The following TMEM74 variants were observed in gnomAD, a reference collection of about 807,000 sequenced individuals.
The protein encoded by TMEM74 is transmembrane protein 74.
TMEM74 carries 13 observed loss-of-function variants against 18.1 expected under a neutral mutation model. That is an observed-to-expected ratio of 0.72 (90% CI 0.47 to 1.14). TMEM74 has a LOEUF of 1.14. TMEM74 is among the 50% of genes most tolerant of loss of function. TMEM74 has a pLI of 0.00. For synonymous variants in TMEM74, 159 were observed against 146.6 expected (o/e 1.08, Z -0.61); for missense variants, 372 against 375.9 (o/e 0.99, Z 0.09).
chr8:108,777,133 A>G (rs1264266522), downstream of TMEM74, among the ~76,000 whole-genome samples: 1 of 152,212 alleles, frequency 6.6e-6, no homozygotes, highest in Non-Finnish European at 1.5e-5. Context: ...TTACAGATGG[A>G]GAAACTTGGA....
At chr8:108,730,955 G>C (rs1813689093) in intron 1 of TMEM74, among the ~76,000 whole-genome samples, 1 of 152,040 alleles carries the variant, frequency 6.6e-6, no homozygotes, top group African/African-American at 2.4e-5. Flanking sequence ...AAAGTTCTTT[G>C]CTCATCCAGC....
intron 1 of TMEM74, among the ~76,000 whole-genome samples, chr8:108,749,646 T>C (rs1813885359): frequency 6.6e-6 from 1 of 152,152 alleles, no homozygotes; most frequent in Admixed American, 6.5e-5. Context: ...CTTTATTTCT[T>C]TCTCTTACCT....
intron 2 of TMEM74, among the ~76,000 whole-genome samples, chr8:108,621,290 T>C (rs1258091010): frequency 6.6e-6 from 1 of 152,088 alleles, no homozygotes; most frequent in African/African-American, 2.4e-5. Context: ...TCCAAGAAAG[T>C]GAATGGGTTG....
At chr8:108,704,020 A>G (rs1300890110) in intron 1 of TMEM74, among the ~76,000 whole-genome samples, 2 of 152,246 alleles carry the variant, frequency 1.3e-5, no homozygotes, top group Non-Finnish European at 2.9e-5. Context: ...AAGTATAAGG[A>G]ACTGACAGCA....
chr8:108,749,787 T>C (rs1170825917), intron 1 of TMEM74, among the ~76,000 whole-genome samples: 2 of 152,138 alleles, frequency 1.3e-5, no homozygotes, highest in African/African-American at 4.8e-5. Flanking sequence ...CATGTGCCCA[T>C]GATCTGAAGA....
intron 1 of TMEM74, among the ~76,000 whole-genome samples, chr8:108,690,635 GAA>G (rs1315467041): frequency 6.6e-6 from 1 of 151,896 alleles, no homozygotes; most frequent in Non-Finnish European, 1.5e-5. Flanking sequence ...ATAACACGCT[GAA>G]ACCCCGTCTC....
chr8:108,735,976 C>A (rs891462112), intron 1 of TMEM74, among the ~76,000 whole-genome samples: 3 of 152,108 alleles, frequency 2.0e-5, no homozygotes, highest in African/African-American at 7.2e-5. Context: ...ACTCTCAAAT[C>A]ACTCGCCTTC....
chr8:108,637,968 A>G (rs140612483), intron 2 of TMEM74, among the ~76,000 whole-genome samples: 54 of 152,260 alleles, frequency 3.5e-4, no homozygotes, highest in African/African-American at 1.3e-3. Flanking sequence ...GTGTTCTCCT[A>G]ACAGATAGGC....
At chr8:108,632,183 T>C (rs1212674208) in intron 2 of TMEM74, among the ~76,000 whole-genome samples, 3 of 151,966 alleles carry the variant, frequency 2.0e-5, no homozygotes, top group Admixed American at 6.6e-5. Flanking sequence ...CTGTAGATGA[T>C]ACAGGACATG....
chr8:108,678,502 T>C (rs1586257508), intron 1 of TMEM74, among the ~76,000 whole-genome samples: 1 of 150,698 alleles, frequency 6.6e-6, no homozygotes, highest in African/African-American at 2.4e-5. Context: ...GTAGCTGAGA[T>C]TACAGGCACC....
At chr8:108,742,589 T>TATC (rs1309452470) in intron 1 of TMEM74, among the ~76,000 whole-genome samples, 11 of 152,236 alleles carry the variant, frequency 7.2e-5, no homozygotes, top group African/African-American at 2.7e-4. Context: ...ATTCTTATTC[T>TATC]ATCCTATTTA....
In TMEM74 at chr8:108,609,983, T is replaced by C. The variant is rs1449849501; in HGVS notation, n.265-1157A>G. ...CAGAAGAAGAAAGATAGTAAGAAAA[T>C]AAACGGGCCAAAAATATTTCTGTCA... is the stretch of plus-strand genomic sequence containing the variant. On this transcript the variant is annotated intron_variant and non_coding_transcript_variant, in intron 2 of 3. Coordinates refer to the TMEM74 transcript ENST00000518838. Among the ~76,000 whole-genome samples, 3 of 152,086 alleles carry C rather than the reference T, an allele frequency of 2.0e-5. No homozygotes were observed. The East Asian group carries it at 5.8e-4, about 29-fold the overall frequency.
intron 1 of TMEM74, among the ~76,000 whole-genome samples, chr8:108,734,079 T>TGTGA (rs1813721631): frequency 6.6e-6 from 1 of 152,180 alleles, no homozygotes; most frequent in Non-Finnish European, 1.5e-5. Context: ...GACATTGGCA[T>TGTGA]GTGAGTCAGA....
At chr8:108,763,555 C>T (rs1222904801) in intron 1 of TMEM74, among the ~76,000 whole-genome samples, 1 of 152,016 alleles carries the variant, frequency 6.6e-6, no homozygotes, top group Admixed American at 6.6e-5. Context: ...TTGGGAATGA[C>T]CATGAATACC....
At chr8:108,711,292 G>T (rs941120801) in intron 1 of TMEM74, among the ~76,000 whole-genome samples, 3 of 152,114 alleles carry the variant, frequency 2.0e-5, no homozygotes, top group Non-Finnish European at 4.4e-5. Flanking sequence ...AGCCTCCCAT[G>T]CATTGTGAAT....
chr8:108,628,545 G>T (rs1268198699), intron 2 of TMEM74, among the ~76,000 whole-genome samples: 1 of 151,956 alleles, frequency 6.6e-6, no homozygotes, highest in Non-Finnish European at 1.5e-5. Context: ...ATGAGCATTT[G>T]GTTTGGTTCC....
chr8:108,684,136 A>T (rs1813144519), intron 1 of TMEM74, among the ~76,000 whole-genome samples: 1 of 152,058 alleles, frequency 6.6e-6, no homozygotes, highest in Admixed American at 6.6e-5. Flanking sequence ...GGGTTGCTGG[A>T]TCATATGGTA....
chr8:108,611,305 CTT>C (rs1181126662), intron 2 of TMEM74, among the ~76,000 whole-genome samples: 2 of 152,050 alleles, frequency 1.3e-5, no homozygotes, highest in Non-Finnish European at 2.9e-5. Context: ...TAGATAAAGA[CTT>C]TATAGGAGAC....
intron 1 of TMEM74, among the ~76,000 whole-genome samples, chr8:108,773,848 A>G (rs1166490304): frequency 6.6e-6 from 1 of 152,224 alleles, no homozygotes; most frequent in Non-Finnish European, 1.5e-5. Context: ...CCTAGCCAAC[A>G]GCGTGACTGA....
Sources: allele counts gnomAD v4.1 joint callset (sites outside exome capture counted in the v4.1 genomes callset), GRCh38; gene constraint gnomAD v4.1.1; transcripts MANE v1.5; gene names NCBI Gene and HGNC (gene_info 2026-07-23, HGNC 2026-07-21).